Variants in SOX5 observed in about 807,000 individuals in gnomAD.
SOX5 encodes SRY-box transcription factor 5, also known as transcription factor SOX-5.
A neutral mutation model predicts 92.0 loss-of-function variants in SOX5; 9 were observed. That is an observed-to-expected ratio of 0.10 (90% confidence interval 0.06 to 0.17). The LOEUF is 0.17. Among genes scored for constraint, SOX5 ranks in the 10% least tolerant of loss-of-function variants. The probability of loss-of-function intolerance (pLI) is 1.00; values close to 1 mark genes in which losing one functional copy is unlikely to be tolerated. For missense variants in SOX5, 642 were observed against 944.5 expected, an observed-to-expected ratio of 0.68 and a Z score of 4.20; for synonymous variants, 344 against 336.3, an observed-to-expected ratio of 1.02 and a Z score of -0.25.
At chr12:24,276,286 G>A (rs183777810) in intron 3 of SOX5, among the ~76,000 whole-genome samples, 23 of 152,090 alleles carry the variant, frequency 1.5e-4, no homozygotes, top group African/African-American at 4.8e-4. Context: ...TACTGTTTGG[G>A]ATTTTAACAA....
chr12:23,729,026 G>GTA (rs980598264), intron 6 of SOX5, among the ~76,000 whole-genome samples: 2 of 151,586 alleles, frequency 1.3e-5, no homozygotes, highest in African/African-American at 2.4e-5. Context: ...GCCATGTAAA[G>GTA]TATATTCTTT....
chr12:23,999,730 T>C (rs1002485608), intron 4 of SOX5, among the ~76,000 whole-genome samples: 46 of 151,978 alleles, frequency 3.0e-4, no homozygotes, highest in African/African-American at 9.7e-4. Context: ...ATCAAAGTGC[T>C]ACAGAAAAAA....
intron 4 of SOX5, among the ~76,000 whole-genome samples, chr12:24,172,376 A>C: frequency 6.6e-6 from 1 of 151,976 alleles, no homozygotes; most frequent in Non-Finnish European, 1.5e-5. Flanking sequence ...GTCTCTCCAA[A>C]AAAACTACAA....
intron 11 of SOX5, among the ~76,000 whole-genome samples, chr12:23,551,442 A>G (rs2136158148): frequency 6.6e-6 from 1 of 152,010 alleles, no homozygotes; most frequent in African/African-American, 2.4e-5. Flanking sequence ...ATAACACCGA[A>G]AATGGGAGAA....
At chr12:23,559,203 G>A (rs1019070613) in intron 11 of SOX5, among the ~76,000 whole-genome samples, 4 of 152,198 alleles carry the variant, frequency 2.6e-5, no homozygotes, top group Non-Finnish European at 5.9e-5. Flanking sequence ...GAACAAAGTT[G>A]TGCCATCTGG....
chr12:23,851,389 A>G (rs561433996), intron 2 of SOX5, among the ~76,000 whole-genome samples: 5 of 152,288 alleles, frequency 3.3e-5, no homozygotes, highest in African/African-American at 1.2e-4. Context: ...TAATGTTCCT[A>G]AAAATGAGAT....
At chr12:23,849,012 A>T (rs1349221010) in intron 2 of SOX5, among the ~76,000 whole-genome samples, 1 of 152,172 alleles carries the variant, frequency 6.6e-6, no homozygotes, top group Non-Finnish European at 1.5e-5. Flanking sequence ...TTTAAAACTG[A>T]ATTCTTGTTA....
chr12:24,148,877 GA>G, intron 4 of SOX5, among the ~76,000 whole-genome samples: 1 of 1,896 alleles, frequency 5.3e-4, no homozygotes, highest in Admixed American at 9.6e-3. Context: ...GTGACAGAGG[GA>G]GAGGGAGACT....
intron 1 of SOX5, among the ~76,000 whole-genome samples, chr12:23,936,948 T>C (rs1259542445): frequency 1.3e-5 from 2 of 150,926 alleles, no homozygotes. Flanking sequence ...AATAATGATA[T>C]GTGAGTAGTA....
chr12:24,440,599 TG>T (rs1940354758), intron 1 of SOX5, among the ~76,000 whole-genome samples: 1 of 55,500 alleles, frequency 1.8e-5, no homozygotes, highest in African/African-American at 6.4e-5. Context: ...ATCCTTTGTG[TG>T]TGTGTGTGTG....
chr12:23,670,064 T>C (rs2084513216), intron 6 of SOX5, among the ~76,000 whole-genome samples: 1 of 152,122 alleles, frequency 6.6e-6, no homozygotes, highest in African/African-American at 2.4e-5. Context: ...TATCGGCAGA[T>C]AAAATTAAAG....
intron 2 of SOX5, among the ~76,000 whole-genome samples, chr12:24,359,727 G>A (rs1438053833): frequency 1.3e-5 from 2 of 152,162 alleles, no homozygotes; most frequent in African/African-American, 4.8e-5. Context: ...CAAGGGATAA[G>A]GAAGAAGGCT....
intron 4 of SOX5, among the ~76,000 whole-genome samples, chr12:24,088,112 A>G (rs1944231118): frequency 6.6e-6 from 1 of 152,108 alleles, no homozygotes. Flanking sequence ...GAGAAAGTAT[A>G]GATATGTCTT....
chr12:24,218,110 C>G (rs936648717), intron 3 of SOX5, among the ~76,000 whole-genome samples: 4 of 152,142 alleles, frequency 2.6e-5, no homozygotes, highest in Non-Finnish European at 5.9e-5. Flanking sequence ...ATGACCCAGC[C>G]ATTCTACTCC....
At chr12:23,838,781 T>G (rs2096468645) in intron 3 of SOX5, among the ~76,000 whole-genome samples, 1 of 150,108 alleles carries the variant, frequency 6.7e-6, no homozygotes, top group Non-Finnish European at 1.5e-5. Context: ...ATTTCTTCTT[T>G]TATACCCAAG....
intron 1 of SOX5, among the ~76,000 whole-genome samples, chr12:24,405,270 A>G (rs74070055): frequency 1.7e-4 from 26 of 152,328 alleles, no homozygotes; most frequent in African/African-American, 6.3e-4. Flanking sequence ...TTCCAGAAAG[A>G]AGGCAGGCAA....
At chr12:23,898,807 A>G (rs1037138928) in intron 1 of SOX5, among the ~76,000 whole-genome samples, 9 of 152,220 alleles carry the variant, frequency 5.9e-5, no homozygotes, top group African/African-American at 1.7e-4. Flanking sequence ...GTGTTATAGA[A>G]TGTTCTCAAT....
chr12:23,879,736 T>C (rs913856492), intron 2 of SOX5, among the ~76,000 whole-genome samples: 2 of 152,224 alleles, frequency 1.3e-5, no homozygotes, highest in Non-Finnish European at 2.9e-5. Flanking sequence ...ACTTGTTTCA[T>C]ATACCTCACA....
Position 23,863,812 on chromosome 12 carries a change from A to G in SOX5, c.271-17619T>C, listed in dbSNP as rs1186495598. Among the ~76,000 whole-genome samples, 204 of 102,462 alleles carry G rather than the reference A, an allele frequency of 2.0e-3. No individual in the cohort carries two copies. The South Asian group carries it at 0.028, about 14-fold the overall frequency. 67.2% of individuals were successfully genotyped at this position (102,462 alleles called of 152,430 possible). On this transcript the variant is annotated intron_variant, in intron 2 of 14. Transcript: ENST00000451604. ...ACACACTACACACACACACACACAC[A>G]CACACACACACACACACACACACAC...
Sources: gnomAD v4.1 joint callset for allele counts (sites outside exome capture counted in the v4.1 genomes callset) on GRCh38, gnomAD v4.1.1 for gene constraint, MANE v1.5 for transcripts, NCBI Gene and HGNC (gene_info 2026-07-23, HGNC 2026-07-21) for gene names.